The following CWC27 variants were observed in gnomAD, a reference collection of about 807,000 sequenced individuals.
CWC27 encodes CWC27 spliceosome associated cyclophilin, also known as spliceosome-associated protein CWC27 homolog.
CWC27 carries 47 observed loss-of-function variants against 63.6 expected under a neutral mutation model. The ratio of observed to expected loss-of-function variants is 0.74; its 90% CI spans 0.58 to 0.94. The LOEUF is 0.94. CWC27 is among the 40% of genes least tolerant of loss of function. The pLI is 0.00. For synonymous variants in CWC27, 175 were observed against 179.8 expected, an observed-to-expected ratio of 0.97 and a Z score of 0.22; for missense variants, 495 against 554.3, an observed-to-expected ratio of 0.89 and a Z score of 1.07.
chr5:64,784,691 T>C (rs957323403), intron 4 of CWC27, among the ~76,000 whole-genome samples: 2 of 152,156 alleles, frequency 1.3e-5, no homozygotes, highest in East Asian at 1.9e-4. Flanking sequence ...TTCAGTACAA[T>C]TGGAAAGCTG....
intron 11 of CWC27, among the ~76,000 whole-genome samples, chr5:64,919,488 TC>T (rs1747955578): frequency 6.6e-6 from 1 of 152,152 alleles, no homozygotes; most frequent in Admixed American, 6.5e-5. Context: ...TAGGTAGCCT[TC>T]CAACCTACAC....
chr5:64,996,057 ATC>A (rs1477743184), intron 13 of CWC27, among the ~76,000 whole-genome samples: 1 of 152,310 alleles, frequency 6.6e-6, no homozygotes, highest in Admixed American at 6.5e-5. Context: ...AAGGAGTGAA[ATC>A]TAGCATGCTT....
chr5:64,999,427 C>T (rs1047350200), intron 13 of CWC27, among the ~76,000 whole-genome samples: 6 of 152,040 alleles, frequency 3.9e-5, no homozygotes. Context: ...TGCTATCAAA[C>T]ACTAGAACTT....
intron 11 of CWC27, among the ~76,000 whole-genome samples, chr5:64,943,142 A>AC (rs1274124038): frequency 6.6e-6 from 1 of 152,054 alleles, no homozygotes; most frequent in African/African-American, 2.4e-5. Context: ...GTATGATTAT[A>AC]CTCCTAGGTG....
In CWC27 at chr5:64,952,080, T is replaced by C. The variant is rs368924117; in HGVS notation, c.1043-19623T>C. ...TCCTAAGATGCTCCAGTCCTTGATATAAAATGGCAGAGTATTTGCATATAA... is the reference window on the plus strand; with the variant it reads ...TCCTAAGATGCTCCAGTCCTTGATACAAAATGGCAGAGTATTTGCATATAA... On this transcript the variant is annotated intron_variant, in intron 11 of 13. Transcript: ENST00000381070. Among the ~76,000 whole-genome samples the C allele has an allele frequency of 3.3e-5, 5 of 152,088 alleles. No homozygotes were observed. In the South Asian group the frequency reaches 1.0e-3, roughly 32 times the overall value.
intron 11 of CWC27, among the ~76,000 whole-genome samples, chr5:64,944,301 C>G (rs543369940): frequency 9.7e-4 from 148 of 152,178 alleles, no homozygotes; most frequent in Non-Finnish European, 1.6e-3. Flanking sequence ...CTCCAATTCC[C>G]CTTTTCCTGT....
chr5:64,883,524 T>G (rs537498640), intron 10 of CWC27, among the ~76,000 whole-genome samples: 1 of 151,980 alleles, frequency 6.6e-6, no homozygotes, highest in Non-Finnish European at 1.5e-5. Flanking sequence ...GGAGAAGAAT[T>G]GGAGATTCAA....
Position 64,843,243 on chromosome 5 carries a change from T to C in CWC27, c.938+38857T>C, listed in dbSNP as rs563824282. Among the ~76,000 whole-genome samples, 6 of 152,354 alleles carry C rather than the reference T, an allele frequency of 3.9e-5. No homozygotes were observed. The South Asian group carries it at 1.0e-3, about 26-fold the overall frequency. On this transcript the variant is annotated intron_variant, in intron 10 of 13. Coordinates refer to ENST00000381070, the MANE Select transcript of CWC27 (RefSeq NM_005869.4). ...TTTTCTAAGATTTTAATACCTCTACTGTTTTCATTTATTTTGTGACTCTGA... is the reference window on the plus strand; with the variant it reads ...TTTTCTAAGATTTTAATACCTCTACCGTTTTCATTTATTTTGTGACTCTGA...
At chr5:64,887,154 G>A (rs190591020) in intron 11 of CWC27, among the ~76,000 whole-genome samples, 3 of 151,974 alleles carry the variant, frequency 2.0e-5, no homozygotes, top group South Asian at 2.1e-4. Context: ...TTATAGTTAC[G>A]ATCTAGTAGG....
rs758974228 is a variant in CWC27 at position 64,786,571 on chromosome 5, G to A, written c.543G>A (p.Arg181=). Residue 181 remains arginine, a synonymous_variant, in exon 6 of 14, where the codon AGG becomes AGA. Transcript: ENST00000381070. ...ACATCATTCCAAGGGAAATTAAAAG[G>A]CTGAAAAAAGAGAAACCAGAGGAGG... ...FDDIIPREIK[R]LKKEKPEEEV... 6.3e-7 allele frequency: 1 copy of A among 1,593,124 alleles called. No individual in the cohort carries two copies. Among genetic ancestry groups the A allele is most frequent in the Non-Finnish European group, 8.5e-7 (1 of 1,171,312 alleles).
chr5:64,805,708 TTA>T (rs1048185849), intron 10 of CWC27, among the ~76,000 whole-genome samples: 1 of 152,096 alleles, frequency 6.6e-6, no homozygotes, highest in Non-Finnish European at 1.5e-5. Context: ...TTTCAAATAC[TTA>T]TATACCCTAT....
chr5:64,920,840 C>G (rs1747982143), intron 11 of CWC27, among the ~76,000 whole-genome samples: 1 of 151,940 alleles, frequency 6.6e-6, no homozygotes, highest in Non-Finnish European at 1.5e-5. Context: ...TGGATCTTCT[C>G]TCTTTTTTTT....
chr5:64,955,700 G>T (rs1342025094), intron 11 of CWC27, among the ~76,000 whole-genome samples: 2 of 151,818 alleles, frequency 1.3e-5, no homozygotes, highest in African/African-American at 4.8e-5. Flanking sequence ...CATTAATCTG[G>T]TCTGGTTGGT....
intron 13 of CWC27, among the ~76,000 whole-genome samples, chr5:65,004,047 G>T (rs778402402): frequency 6.6e-6 from 1 of 152,070 alleles, no homozygotes; most frequent in Non-Finnish European, 1.5e-5. Context: ...GTTTTACCAT[G>T]TTGGCCAGGC....
At chr5:64,849,462 G>A (rs1746076598) in intron 10 of CWC27, among the ~76,000 whole-genome samples, 1 of 152,128 alleles carries the variant, frequency 6.6e-6, no homozygotes, top group African/African-American at 2.4e-5. Context: ...ATTGGAGTTG[G>A]GACCTGGTGG....
chr5:64,862,312 A>C (rs968604963), intron 10 of CWC27, among the ~76,000 whole-genome samples: 4 of 152,142 alleles, frequency 2.6e-5, no homozygotes, highest in African/African-American at 4.8e-5. Flanking sequence ...ATAATCTTTT[A>C]TCTTATTAAA....
intron 7 of CWC27, among the ~76,000 whole-genome samples, chr5:64,799,454 C>T (rs7728578): frequency 1.2e-3 from 174 of 147,290 alleles, no homozygotes; most frequent in African/African-American, 4.2e-3. Flanking sequence ...GGCGTGGTGG[C>T]GCATACCTGT....
chr5:64,972,037 C>T (rs1749136329), intron 12 of CWC27, among the ~76,000 whole-genome samples: 1 of 152,190 alleles, frequency 6.6e-6, no homozygotes, highest in Non-Finnish European at 1.5e-5. Flanking sequence ...TTCCACGTTT[C>T]AACCTGGTAC....
chr5:64,882,431 G>A (rs900359304), intron 10 of CWC27, among the ~76,000 whole-genome samples: 1 of 152,118 alleles, frequency 6.6e-6, no homozygotes, highest in Non-Finnish European at 1.5e-5. Flanking sequence ...AGTCTCAATT[G>A]AGATTTGCTA....
Sources: allele counts gnomAD v4.1 joint callset (sites outside exome capture counted in the v4.1 genomes callset), GRCh38; gene constraint gnomAD v4.1.1; transcripts MANE v1.5; gene names NCBI Gene and HGNC (gene_info 2026-07-23, HGNC 2026-07-21).